Variants in PDZRN3 observed in about 807,000 individuals in gnomAD.
PDZRN3 encodes PDZ domain containing ring finger 3.
PDZRN3 carries 38 observed loss-of-function variants against 85.7 expected under a neutral mutation model. That is an observed-to-expected ratio of 0.44 (90% confidence interval 0.34 to 0.58). PDZRN3 has a LOEUF of 0.58. Ranked by LOEUF, PDZRN3 falls within the 20% of genes least tolerant of loss-of-function variation. The pLI is 0.01. For missense variants in PDZRN3, 1,629 were observed against 1,506.4 expected (o/e 1.08, Z -1.35); for synonymous variants, 759 against 638.0 (o/e 1.19, Z -2.86).
intron 3 of PDZRN3, among the ~76,000 whole-genome samples, chr3:73,418,977 G>A (rs770974146): frequency 2.6e-5 from 4 of 152,134 alleles, no homozygotes; most frequent in Non-Finnish European, 5.9e-5. Context: ...TTTTAACAAT[G>A]AAGCTAAAGG....
chr3:73,383,907 T>C lies in PDZRN3; in HGVS notation c.2659A>G (p.Ile887Val), dbSNP rs146959814. ...TACTCCACGGCCGACTTCTGCTGGA[T>C]CAGCTGCATGTAGCTCTGGTAGTGC... ...AQHYQSYMQL[I>V]QQKSAVEYAQ... is the part of the protein sequence containing the mutation. Residue 887 changes from isoleucine (I) to valine (V), a missense_variant, in exon 10 of 10, where the codon ATC (isoleucine) becomes GTC (valine). Physicochemically the swap from Ile to Val is conservative, Grantham distance 29. Transcript: ENST00000263666. 245 of 1,612,322 alleles carry C rather than the reference T, an allele frequency of 1.5e-4. No individual in the cohort carries two copies. Among genetic ancestry groups the C allele is most frequent in the Non-Finnish European group, 2.0e-4 (238 of 1,179,498 alleles).
At chr3:73,539,607 G>C (rs1704867592) in intron 3 of PDZRN3, among the ~76,000 whole-genome samples, 1 of 152,098 alleles carries the variant, frequency 6.6e-6, no homozygotes, top group East Asian at 1.9e-4. Flanking sequence ...GCCACTGAGA[G>C]AGAGCCCACC....
At chr3:73,405,965 T>C (rs1701846697) in intron 3 of PDZRN3, among the ~76,000 whole-genome samples, 1 of 152,224 alleles carries the variant, frequency 6.6e-6, no homozygotes, top group African/African-American at 2.4e-5. Flanking sequence ...TGTAAACAAC[T>C]GTTGGGTTGA....
At chr3:73,457,088 T>G (rs537926059) in intron 3 of PDZRN3, among the ~76,000 whole-genome samples, 1 of 152,260 alleles carries the variant, frequency 6.6e-6, no homozygotes, top group East Asian at 1.9e-4. Flanking sequence ...CTCACTTTTT[T>G]TTGAGACAGA....
intron 3 of PDZRN3, among the ~76,000 whole-genome samples, chr3:73,584,466 T>G (rs866536901): frequency 6.4e-5 from 5 of 77,536 alleles, no homozygotes; most frequent in East Asian, 4.1e-4. Context: ...TGTGTGTGTG[T>G]GTGTGTGTGT....
chr3:73,411,234 C>A (rs1198229370), intron 3 of PDZRN3, among the ~76,000 whole-genome samples: 1 of 152,198 alleles, frequency 6.6e-6, no homozygotes, highest in Non-Finnish European at 1.5e-5. Flanking sequence ...GTGGCTCTGG[C>A]CAAGCTCTCC....
chr3:73,527,205 T>C (rs984297372), intron 3 of PDZRN3, among the ~76,000 whole-genome samples: 2 of 152,120 alleles, frequency 1.3e-5, no homozygotes, highest in African/African-American at 2.4e-5. Flanking sequence ...GTGGTAAGGA[T>C]GAAAGGAGAC....
intron 3 of PDZRN3, among the ~76,000 whole-genome samples, chr3:73,477,435 A>G (rs1703478707): frequency 6.6e-6 from 1 of 152,220 alleles, no homozygotes; most frequent in South Asian, 2.1e-4. Context: ...GCTAAAAGTG[A>G]GACAGATAAT....
At chr3:73,410,668 T>C (rs908205009) in intron 3 of PDZRN3, among the ~76,000 whole-genome samples, 8 of 152,254 alleles carry the variant, frequency 5.3e-5, no homozygotes, top group Non-Finnish European at 1.0e-4. Flanking sequence ...TTTTCCTAAA[T>C]GTAGAATACA....
At chr3:73,590,270 A>C in intron 3 of PDZRN3, among the ~76,000 whole-genome samples, 1 of 148,190 alleles carries the variant, frequency 6.7e-6, no homozygotes, top group South Asian at 2.1e-4. Context: ...CTCTGTCTCA[A>C]AAAAAAAAAA....
intron 3 of PDZRN3, among the ~76,000 whole-genome samples, chr3:73,426,445 A>G (rs530590388): frequency 6.6e-6 from 1 of 152,188 alleles, no homozygotes; most frequent in Non-Finnish European, 1.5e-5. Context: ...ACAAAATTCA[A>G]TAACCTTCAA....
At chr3:73,559,285 T>C (rs1055858178) in intron 3 of PDZRN3, among the ~76,000 whole-genome samples, 2 of 152,212 alleles carry the variant, frequency 1.3e-5, no homozygotes, top group African/African-American at 4.8e-5. Flanking sequence ...AGTTTCACAG[T>C]TTGGCCCAGC....
In PDZRN3 at chr3:73,384,764, G is replaced by A. The variant is rs753223489; in HGVS notation, c.1802C>T (p.Ala601Val). The A allele has an allele frequency of 5.0e-6, 8 of 1,613,746 alleles. No homozygotes were observed. Among genetic ancestry groups the A allele is most frequent in the Admixed American group, 1.7e-5 (1 of 60,008 alleles). The change falls in exon 10 of 10, where the codon GCG becomes GTG. Residue 601 changes from alanine to valine, a missense_variant. Ala to Val is a moderately conservative substitution (Grantham distance 64). Transcript: ENST00000263666. ...DDATASSNPL[A>V]GQRKLTCSQD... ...GCTGCAGGTGAGCTTCCTCTGCCCC[G>A]CCAGCGGGTTGGAGGATGCGGTGGC...
chr3:73,504,100 GTGTA>G (rs1450972703), intron 3 of PDZRN3, among the ~76,000 whole-genome samples: 1 of 152,158 alleles, frequency 6.6e-6, no homozygotes, highest in Non-Finnish European at 1.5e-5. Context: ...TTACACTGCT[GTGTA>G]TGTGTGTCTG....
At chr3:73,501,561 G>C (rs532588972) in intron 3 of PDZRN3, among the ~76,000 whole-genome samples, 3 of 152,320 alleles carry the variant, frequency 2.0e-5, no homozygotes, top group Admixed American at 6.5e-5. Context: ...AATACCTGCT[G>C]TGTGCCTACT....
intron 4 of PDZRN3, among the ~76,000 whole-genome samples, chr3:73,403,006 T>G (rs528752039): frequency 5.4e-5 from 8 of 148,968 alleles, no homozygotes; most frequent in African/African-American, 1.8e-4. Context: ...TGCAGTGGCA[T>G]GATCTCGGCT....
At position 73,582,436 on chromosome 3, in the gene PDZRN3, T is replaced by G. The variant is rs946553336; in HGVS notation, c.918+19918A>C. On this transcript the variant is annotated intron_variant, in intron 3 of 9. Transcript: ENST00000263666. The stretch of plus-strand genomic sequence containing the variant: ...ATAGGCCACTGCTGGCAACTTGCTG[T>G]GTACAAATTCTCAATACTTCCTATA... Among the ~76,000 whole-genome samples the G allele has an allele frequency of 3.9e-5, 6 of 152,122 alleles. No homozygotes were observed. In the East Asian group the frequency reaches 1.2e-3, roughly 29 times the overall value.
At chr3:73,385,477 A>G (rs1328538010) in intron 9 of PDZRN3, among the ~76,000 whole-genome samples, 192 bp downstream of exon 9, 1 of 152,258 alleles carries the variant, frequency 6.6e-6, no homozygotes, top group Non-Finnish European at 1.5e-5. Context: ...TTAAAAGCTT[A>G]GCTAGGGACA....
chr3:73,540,160 A>G (rs1022759672), intron 3 of PDZRN3, among the ~76,000 whole-genome samples: 4 of 151,792 alleles, frequency 2.6e-5, no homozygotes, highest in Admixed American at 2.6e-4. Flanking sequence ...AATACTAAGA[A>G]AAATTTTAAA....
Sources: gnomAD v4.1 joint callset for allele counts (sites outside exome capture counted in the v4.1 genomes callset) on GRCh38, gnomAD v4.1.1 for gene constraint, MANE v1.5 for transcripts, NCBI Gene and HGNC (gene_info 2026-07-23, HGNC 2026-07-21) for gene names.